ANTXR2: variants seen among roughly 807,000 people sequenced by gnomAD.
ANTXR2 encodes the protein ANTXR cell adhesion molecule 2.
In ANTXR2, 44 loss-of-function variants were observed where a neutral mutation model predicts 73.7. That is an observed-to-expected ratio of 0.60 (90% confidence interval 0.47 to 0.77). The LOEUF is 0.77. Ranked by LOEUF, ANTXR2 falls within the 30% of genes least tolerant of loss-of-function variation. The probability of loss-of-function intolerance (pLI) is 0.00; values close to 1 mark genes in which losing one functional copy is unlikely to be tolerated. For missense variants in ANTXR2, 604 were observed against 592.5 expected (o/e 1.02, Z -0.20); for synonymous variants, 217 against 205.9 (o/e 1.05, Z -0.46).
intron 3 of ANTXR2, among the ~76,000 whole-genome samples, chr4:80,063,435 T>A (rs969625509): frequency 5.8e-4 from 16 of 27,668 alleles, no homozygotes; most frequent in African/African-American, 5.1e-3. Context: ...ATTTCAGCAT[T>A]TTTTTTTATA....
At chr4:79,984,606 C>T (rs1730027911) in intron 13 of ANTXR2, among the ~76,000 whole-genome samples, 1 of 151,766 alleles carries the variant, frequency 6.6e-6, no homozygotes, top group African/African-American at 2.4e-5. Context: ...ATTCCAATGG[C>T]CAGTTTATAT....
intron 11 of ANTXR2, among the ~76,000 whole-genome samples, chr4:80,016,895 A>G (rs1028959636): frequency 6.6e-6 from 1 of 152,142 alleles, no homozygotes; most frequent in African/African-American, 2.4e-5. Flanking sequence ...CCTTCTCACC[A>G]TCTCCAATTT....
intron 11 of ANTXR2, among the ~76,000 whole-genome samples, chr4:80,008,990 T>C (rs1731440209): frequency 6.6e-6 from 1 of 152,174 alleles, no homozygotes. Context: ...TTAGGCAGAA[T>C]CCTGCAGACT....
rs934050580 is a variant in ANTXR2 at position 79,902,450 on chromosome 4, T to C, written c.*4979A>G. On this transcript the variant is annotated 3_prime_UTR_variant, in exon 17 of 17. Coordinates refer to ENST00000403729, the MANE Select transcript of ANTXR2 (RefSeq NM_058172.6). ...CTAAAAAAAGAGGAGTTTAGTAATT[T>C]TTCTTTCTGTGGTATACAAAGTATC... 2.0e-5 allele frequency: 3 copies of C among 152,134 alleles called. No individual in the cohort carries two copies. Among genetic ancestry groups the C allele is most frequent in the African/African-American group, 7.2e-5 (3 of 41,450 alleles). The allele number at this position is 152,134 out of a possible 1,614,324, so 9.4% of individuals were successfully genotyped here. A position where few individuals can be genotyped will look rare whatever the true frequency, so the allele number is the denominator to read the frequency against.
chr4:79,945,906 AAAGT>A (rs1728498003), intron 16 of ANTXR2, among the ~76,000 whole-genome samples: 1 of 152,168 alleles, frequency 6.6e-6, no homozygotes, highest in Admixed American at 6.5e-5. Flanking sequence ...GAAAGCAGAG[AAAGT>A]AAGTTTTTTC....
chr4:79,927,213 TCTAAACAACAA>T lies in ANTXR2; in HGVS notation c.1429-19757_1429-19747del, dbSNP rs1727851449. Reference sequence around the variant, plus strand: ...CTATTTATTTCACTTAAATGCAAAATCTAAACAACAAAAAAGAGTTACAAAAATACTGTATC... The same window carrying T: ...CTATTTATTTCACTTAAATGCAAAATAAAAGAGTTACAAAAATACTGTATC... On this transcript the variant is annotated intron_variant, in intron 16 of 16. Coordinates refer to ENST00000403729, the MANE Select transcript of ANTXR2 (RefSeq NM_058172.6). Among the ~76,000 whole-genome samples the T allele has an allele frequency of 6.6e-5, 10 of 151,230 alleles. 1 individual carries two copies. In the South Asian group the frequency reaches 2.1e-3, roughly 32 times the overall value.
intron 13 of ANTXR2, 102 bp downstream of exon 13, chr4:79,984,717 G>T: frequency 6.2e-6 from 6 of 965,624 alleles, no homozygotes; most frequent in South Asian, 4.3e-5. Flanking sequence ...TCAGTACATA[G>T]GTATCATAGT....
intron 11 of ANTXR2, among the ~76,000 whole-genome samples, chr4:80,012,459 C>T (rs752748345): frequency 6.6e-6 from 1 of 151,844 alleles, no homozygotes; most frequent in Non-Finnish European, 1.5e-5. Flanking sequence ...TATATAATGT[C>T]TATAGCTGTT....
At position 79,911,522 on chromosome 4, in the gene ANTXR2, T is replaced by C. The variant is rs185855383; in HGVS notation, c.1429-4055A>G. ...ATTTTATTCTCTATATAGAGGCTAA[T>C]ACTAGTATCAGGTGACAGGATTACA... is the stretch of plus-strand genomic sequence containing the variant. On this transcript the variant is annotated intron_variant, in intron 16 of 16. Coordinates refer to ENST00000403729, the MANE Select transcript of ANTXR2 (RefSeq NM_058172.6). 2.0e-3 allele frequency among the ~76,000 whole-genome samples: 302 copies of C among 151,964 alleles called. 2 individuals carry two copies. The highest frequency in any genetic ancestry group is 2.3e-3 in the Non-Finnish European group (159 of 67,888).
intron 12 of ANTXR2, among the ~76,000 whole-genome samples, chr4:80,002,045 A>T (rs1240777105): frequency 1.3e-5 from 2 of 152,134 alleles, no homozygotes; most frequent in Non-Finnish European, 2.9e-5. Context: ...TCTTCACAGA[A>T]TTGGAAAAAA....
intron 2 of ANTXR2, among the ~76,000 whole-genome samples, chr4:80,070,550 C>A (rs543219062): frequency 6.6e-6 from 1 of 152,294 alleles, no homozygotes; most frequent in African/African-American, 2.4e-5. Context: ...GACAGTTTTA[C>A]CTCAGACCCT....
chr4:80,032,709 A>G (rs1406676328), intron 9 of ANTXR2, among the ~76,000 whole-genome samples: 1 of 151,900 alleles, frequency 6.6e-6, no homozygotes, highest in African/African-American at 2.4e-5. Flanking sequence ...ATAAATTTTG[A>G]AGGGCAAATA....
chr4:80,056,435 T>A (rs2110109605), intron 3 of ANTXR2, among the ~76,000 whole-genome samples: 1 of 152,066 alleles, frequency 6.6e-6, no homozygotes, highest in East Asian at 1.9e-4. Flanking sequence ...TTTTCCTTGT[T>A]ATCTGCGAAT....
chr4:79,962,972 G>T (rs758874671), intron 16 of ANTXR2, among the ~76,000 whole-genome samples: 1 of 152,070 alleles, frequency 6.6e-6, no homozygotes, highest in Non-Finnish European at 1.5e-5. Flanking sequence ...ATTGAGTGAA[G>T]GTTCCAATCT....
intron 7 of ANTXR2, among the ~76,000 whole-genome samples, chr4:80,045,579 GT>G (rs137994910): frequency 0.11 from 16,052 of 142,324 alleles, 944 homozygotes; most frequent in Middle Eastern, 0.23. Context: ...AAAAAGCAAG[GT>G]TTTTTTTTTT....
At chr4:80,013,669 GTATTCATCATAGTATTACCCAC>G (rs1731702990) in intron 11 of ANTXR2, among the ~76,000 whole-genome samples, 1 of 152,054 alleles carries the variant, frequency 6.6e-6, no homozygotes, top group Admixed American at 6.6e-5. Flanking sequence ...CAAGGTCCAG[GTATTCATCATAGTATTACCCAC>G]TATACTCTTC....
intron 16 of ANTXR2, chr4:79,965,092 TAA>T (rs1729313674): frequency 4.1e-5 from 1 of 24,612 alleles, no homozygotes; most frequent in Non-Finnish European, 2.0e-4. Flanking sequence ...CTCCGAGCCA[TAA>T]GAGCCATAAA....
chr4:79,914,418 A>G (rs1444628808), intron 16 of ANTXR2, among the ~76,000 whole-genome samples: 1 of 152,006 alleles, frequency 6.6e-6, no homozygotes, highest in African/African-American at 2.4e-5. Flanking sequence ...TTTTCTCAAT[A>G]CTTCTTTAGA....
chr4:80,042,793 A>C (rs1243981545), intron 7 of ANTXR2, among the ~76,000 whole-genome samples: 1 of 152,020 alleles, frequency 6.6e-6, no homozygotes, highest in Non-Finnish European at 1.5e-5. Context: ...ATGGGATCCC[A>C]ACATCGCAAA....
Sources: allele counts gnomAD v4.1 joint callset (sites outside exome capture counted in the v4.1 genomes callset), GRCh38; gene constraint gnomAD v4.1.1; transcripts MANE v1.5; gene names NCBI Gene and HGNC (gene_info 2026-07-23, HGNC 2026-07-21).